Variants in FOXO1 observed in about 807,000 individuals in gnomAD.
The protein encoded by FOXO1 is forkhead box protein O1.
Under a neutral mutation model 44.1 loss-of-function variants are expected in FOXO1, and 6 were observed. The observed-to-expected ratio is 0.14, with a 90% CI of 0.07 to 0.27. The LOEUF (loss-of-function observed/expected upper bound fraction) is 0.27, where lower values mean the gene tolerates loss of function less well. Among genes scored for constraint, FOXO1 ranks in the 10% least tolerant of loss-of-function variants. The pLI, the probability that FOXO1 is intolerant of heterozygous loss-of-function variation, is 1.00. For synonymous variants in FOXO1, 380 were observed against 362.7 expected (o/e 1.05, Z -0.54); for missense variants, 737 against 888.8 (o/e 0.83, Z 2.17).
At chr13:40,641,951 AC>A (rs1877368152) in intron 1 of FOXO1, among the ~76,000 whole-genome samples, 1 of 152,142 alleles carries the variant, frequency 6.6e-6, no homozygotes, top group South Asian at 2.1e-4. Flanking sequence ...ACACCATTGC[AC>A]TCCAGCCTGG....
chr13:40,661,252 T>C (rs1878026892), intron 1 of FOXO1, among the ~76,000 whole-genome samples: 1 of 152,068 alleles, frequency 6.6e-6, no homozygotes, highest in Admixed American at 6.6e-5. Context: ...CTTCCCCAAG[T>C]ACATATACAG....
intron 1 of FOXO1, among the ~76,000 whole-genome samples, chr13:40,561,943 C>CAAAA (rs60373589): frequency 4.4e-5 from 3 of 67,562 alleles, no homozygotes; most frequent in Non-Finnish European, 9.3e-5. Context: ...ACTCTGTCGC[C>CAAAA]AAAAAAAAAA....
At chr13:40,636,371 G>T (rs1877152037) in intron 1 of FOXO1, among the ~76,000 whole-genome samples, 1 of 152,086 alleles carries the variant, frequency 6.6e-6, no homozygotes, top group East Asian at 1.9e-4. Context: ...AAAGGCTACT[G>T]TAAGAATAAA....
intron 1 of FOXO1, among the ~76,000 whole-genome samples, chr13:40,602,710 C>T (rs906967850): frequency 1.3e-5 from 2 of 152,134 alleles, no homozygotes; most frequent in African/African-American, 2.4e-5. Flanking sequence ...GCATGATTTA[C>T]AAAACCCTGA....
chr13:40,591,018 G>A (rs867517941), intron 1 of FOXO1, among the ~76,000 whole-genome samples: 82 of 152,210 alleles, frequency 5.4e-4, no homozygotes, highest in African/African-American at 1.9e-3. Context: ...AAGGCCTCTC[G>A]GAGGATGGGG....
chr13:40,583,205 G>A (rs1020065966), intron 1 of FOXO1, among the ~76,000 whole-genome samples: 2 of 152,186 alleles, frequency 1.3e-5, no homozygotes, highest in African/African-American at 2.4e-5. Flanking sequence ...AAAATATTCA[G>A]TAAGCCATGC....
chr13:40,617,761 G>A (rs960159624), intron 1 of FOXO1, among the ~76,000 whole-genome samples: 3 of 152,132 alleles, frequency 2.0e-5, no homozygotes, highest in African/African-American at 7.2e-5. Flanking sequence ...AAATAAGAAG[G>A]CAAAAACTAA....
chr13:40,648,820 AAGAT>A (rs1168804546), intron 1 of FOXO1, among the ~76,000 whole-genome samples: 2 of 152,230 alleles, frequency 1.3e-5, no homozygotes, highest in African/African-American at 2.4e-5. Flanking sequence ...AGCCTGATGA[AAGAT>A]AGAAGGGGCA....
chr13:40,665,365 C>CCG (rs1878193647), intron 1 of FOXO1, among the ~76,000 whole-genome samples: 1 of 152,186 alleles, frequency 6.6e-6, no homozygotes, highest in Non-Finnish European at 1.5e-5. Flanking sequence ...GAGCCCCTTA[C>CCG]CGCGTCCCAC....
chr13:40,664,618 G>A (rs1428533515), intron 1 of FOXO1, among the ~76,000 whole-genome samples: 3 of 152,126 alleles, frequency 2.0e-5, no homozygotes, highest in Non-Finnish European at 4.4e-5. Flanking sequence ...GGCAAGGCAG[G>A]AAAAGACTCA....
At chr13:40,574,210 A>G (rs1215900017) in intron 1 of FOXO1, among the ~76,000 whole-genome samples, 1 of 151,856 alleles carries the variant, frequency 6.6e-6, no homozygotes, top group Non-Finnish European at 1.5e-5. Context: ...GTTTTCCACC[A>G]CAATGTATGT....
chr13:40,651,494 T>C (rs1877685747), intron 1 of FOXO1, among the ~76,000 whole-genome samples: 1 of 150,568 alleles, frequency 6.6e-6, no homozygotes, highest in Non-Finnish European at 1.5e-5. Context: ...CCTGATAAAT[T>C]TCCTTAGTAT....
rs142247186 is a variant in FOXO1 at position 40,622,141 on chromosome 13, T to C, written c.630+43442A>G. Among the ~76,000 whole-genome samples the C allele has an allele frequency of 2.4e-3, 368 of 152,352 alleles. 1 individual carries two copies. The highest frequency in any genetic ancestry group is 8.2e-3 in the African/African-American group (342 of 41,592). Reference sequence around the variant, plus strand: ...AGGTTATTTAACTTGTGTTCAGCCTTTCTGTAACTTTTTTGAAAGTGCAAA... The same window carrying C: ...AGGTTATTTAACTTGTGTTCAGCCTCTCTGTAACTTTTTTGAAAGTGCAAA... On this transcript the variant is annotated intron_variant, in intron 1 of 2. Coordinates refer to ENST00000379561, the MANE Select transcript of FOXO1 (RefSeq NM_002015.4).
intron 1 of FOXO1, among the ~76,000 whole-genome samples, chr13:40,595,904 T>C (rs1432759182): frequency 6.6e-6 from 1 of 151,660 alleles, no homozygotes; most frequent in Non-Finnish European, 1.5e-5. Flanking sequence ...TCTTTCCCTC[T>C]GGTTAGTCGT....
At chr13:40,598,396 T>G (rs920363479) in intron 1 of FOXO1, among the ~76,000 whole-genome samples, 4 of 152,154 alleles carry the variant, frequency 2.6e-5, no homozygotes, top group Non-Finnish European at 5.9e-5. Context: ...CCTAAAATTC[T>G]GATTGAATTC....
chr13:40,610,820 C>A (rs1876202381), intron 1 of FOXO1, among the ~76,000 whole-genome samples: 1 of 152,112 alleles, frequency 6.6e-6, no homozygotes, highest in South Asian at 2.1e-4. Flanking sequence ...CCAACGAATA[C>A]CCTGCTTTGC....
chr13:40,614,237 C>T (rs1184995178), intron 1 of FOXO1, among the ~76,000 whole-genome samples: 3 of 152,168 alleles, frequency 2.0e-5, no homozygotes, highest in Admixed American at 1.3e-4. Flanking sequence ...TGCTTCTCAT[C>T]GTCTTCGTCT....
intron 1 of FOXO1, among the ~76,000 whole-genome samples, chr13:40,643,544 T>G (rs1185756003): frequency 6.6e-6 from 1 of 152,080 alleles, no homozygotes; most frequent in African/African-American, 2.4e-5. Context: ...CCAGGTTATT[T>G]CCCCATCCCA....
intron 1 of FOXO1, among the ~76,000 whole-genome samples, chr13:40,639,484 T>C (rs1877277677): frequency 6.6e-6 from 1 of 152,176 alleles, no homozygotes; most frequent in Non-Finnish European, 1.5e-5. Context: ...TTCCAATAGT[T>C]CAAAATCACT....
Sources: gnomAD v4.1 joint callset for allele counts (sites outside exome capture counted in the v4.1 genomes callset) on GRCh38, gnomAD v4.1.1 for gene constraint, MANE v1.5 for transcripts, NCBI Gene and HGNC (gene_info 2026-07-23, HGNC 2026-07-21) for gene names.